SEMA4D: variants seen among roughly 807,000 people sequenced by gnomAD.
The protein encoded by SEMA4D is semaphorin-4D.
In SEMA4D, 22 loss-of-function variants were observed where a neutral mutation model predicts 74.8. That is an observed-to-expected ratio of 0.29 (90% CI 0.21 to 0.42). The LOEUF (loss-of-function observed/expected upper bound fraction) is 0.42. Among genes scored for constraint, SEMA4D ranks in the 10% least tolerant of loss-of-function variants. The pLI is 1.00. For missense variants in SEMA4D, 937 were observed against 1,118.4 expected, an observed-to-expected ratio of 0.84 and a Z score of 2.31; for synonymous variants, 445 against 463.7, an observed-to-expected ratio of 0.96 and a Z score of 0.52.
At chr9:89,412,157 G>T (rs1844674342) in intron 2 of SEMA4D, among the ~76,000 whole-genome samples, 1 of 152,220 alleles carries the variant, frequency 6.6e-6, no homozygotes, top group Non-Finnish European at 1.5e-5. Context: ...TGACTTAGTT[G>T]AGGTAGAACA....
chr9:89,484,117 G>A lies in SEMA4D; in HGVS notation c.-310+13802C>T, dbSNP rs1166265895. Among the ~76,000 whole-genome samples, 1 of 152,248 alleles carries A rather than the reference G, an allele frequency of 6.6e-6. No individual in the cohort carries two copies. The highest frequency in any genetic ancestry group is 1.9e-4 in the East Asian group (1 of 5,202). On this transcript the variant is annotated intron_variant, in intron 1 of 15. Coordinates refer to ENST00000422704, the MANE Select transcript of SEMA4D (RefSeq NM_001371194.2). This position sits in a 1 kb window ranked among gnomAD's most constrained non-coding sequence, Gnocchi z 4.1. ...CAGAAGGGCTTCCGGGCTCCCCCAGGAACTGGAGCCTTAAAGAGGACGCCG... is the reference window on the plus strand; with the variant it reads ...CAGAAGGGCTTCCGGGCTCCCCCAGAAACTGGAGCCTTAAAGAGGACGCCG...
intron 2 of SEMA4D, chr9:89,450,678 A>G: frequency 1.2e-6 from 1 of 815,702 alleles, no homozygotes; most frequent in Non-Finnish European, 1.9e-6. Context: ...AAAAAAAAAA[A>G]AAAAAAAAAG....
chr9:89,451,502 G>A (rs995120263), intron 2 of SEMA4D, among the ~76,000 whole-genome samples: 1 of 152,144 alleles, frequency 6.6e-6, no homozygotes, highest in Non-Finnish European at 1.5e-5. Context: ...AGCTCAACTG[G>A]ATTTGTTCCC....
At chr9:89,450,150 G>A in intron 2 of SEMA4D, 1 of 1,280,282 alleles carries the variant, frequency 7.8e-7, no homozygotes, top group Non-Finnish European at 1.1e-6. Context: ...CATCGATGGA[G>A]AAAAAACCAT....
rs556782001 is a variant in SEMA4D, at chr9:89,419,925, CA to C, written c.-243-14227del. Among the ~76,000 whole-genome samples the C allele has an allele frequency of 4.6e-5, 7 of 152,008 alleles. No individual in the cohort carries two copies. The South Asian group carries it at 1.5e-3, about 32-fold the overall frequency. ...GAAAAAGACTCCGTCTCAAAAAAAACAAAAAAACACCTGAAAAACTTCTATT... is the reference window on the plus strand; with the variant it reads ...GAAAAAGACTCCGTCTCAAAAAAAACAAAAAACACCTGAAAAACTTCTATT... On this transcript the variant is annotated intron_variant, in intron 2 of 15. Transcript: ENST00000422704.
chr9:89,383,366 G>A (rs998492519), intron 13 of SEMA4D, among the ~76,000 whole-genome samples: 6 of 152,180 alleles, frequency 3.9e-5, no homozygotes, highest in Admixed American at 2.0e-4. Context: ...TCACGCTGGT[G>A]CGAGTCATAC....
chr9:89,463,661 C>G (rs998335378), intron 1 of SEMA4D, among the ~76,000 whole-genome samples: 2 of 152,214 alleles, frequency 1.3e-5, no homozygotes, highest in Non-Finnish European at 2.9e-5. Context: ...GTGGGCCGGG[C>G]ATGGTGGCTC....
chr9:89,387,684 C>T (rs148751270), intron 11 of SEMA4D, 76 bp from the exon 12 acceptor site: 6 of 1,303,764 alleles, frequency 4.6e-6, no homozygotes, highest in East Asian at 4.7e-5. Context: ...AAGCAGCCAA[C>T]GCAGGGGGGG....
chr9:89,390,782 G>GC (rs1407294318), intron 9 of SEMA4D, among the ~76,000 whole-genome samples: 1 of 152,160 alleles, frequency 6.6e-6, no homozygotes, highest in African/African-American at 2.4e-5. Flanking sequence ...AAGCCCATAG[G>GC]CCATTCTCTT....
intron 1 of SEMA4D, among the ~76,000 whole-genome samples, chr9:89,489,538 G>A (rs957817109): frequency 5.9e-5 from 9 of 152,098 alleles, no homozygotes; most frequent in African/African-American, 1.7e-4. Flanking sequence ...AACCACTAAC[G>A]TGTTTTCTGT....
At chr9:89,428,013 G>A (rs1384929389) in intron 2 of SEMA4D, among the ~76,000 whole-genome samples, 2 of 152,312 alleles carry the variant, frequency 1.3e-5, no homozygotes, top group East Asian at 1.9e-4. Context: ...TGGAGGGCCC[G>A]CCTGGCCCTG....
At chr9:89,424,977 T>C (rs975362873) in intron 2 of SEMA4D, among the ~76,000 whole-genome samples, 1 of 152,168 alleles carries the variant, frequency 6.6e-6, no homozygotes, top group African/African-American at 2.4e-5. Context: ...CCCAATCTAG[T>C]GTCCCCAAAG....
At chr9:89,458,448 A>G (rs1023833191) in intron 1 of SEMA4D, among the ~76,000 whole-genome samples, 3 of 152,126 alleles carry the variant, frequency 2.0e-5, no homozygotes, top group Admixed American at 1.3e-4. Context: ...CTGGTCACAC[A>G]GTTCCCTTCC....
At chr9:89,391,103 C>T (rs79524653) in intron 9 of SEMA4D, among the ~76,000 whole-genome samples, 161 bp downstream of exon 9, 1,990 of 152,360 alleles carry the variant, frequency 0.013, 42 homozygotes, top group African/African-American at 0.044. Context: ...TCAGTCCCCA[C>T]AACCCCCAGA....
chr9:89,365,306 C>T lies in SEMA4D; in HGVS notation c.1883-1356G>A, dbSNP rs1286067772. 4 of 152,358 alleles carry T rather than the reference C, an allele frequency of 2.6e-5. No homozygotes were observed. The East Asian group carries it at 7.7e-4, about 29-fold the overall frequency. The allele number at this position is 152,358 out of a possible 1,614,324, so 9.4% of individuals were successfully genotyped here. On this transcript the variant is annotated intron_variant, in intron 16 of 18. Transcript: ENST00000339861. The stretch of plus-strand genomic sequence containing the variant: ...TTGTGGTGGGGCTGGGGAGGCCGGC[C>T]AGCCTACTCTGCTGCTTCTGTCTCC...
chr9:89,361,951 C>A, exon 19 of SEMA4D: 1 of 190,418 alleles, frequency 5.3e-6, no homozygotes, highest in Non-Finnish European at 1.1e-5. Flanking sequence ...AAGCAGCGAT[C>A]TGTGCTGGCC....
At chr9:89,364,776 G>T (rs1431180053) in intron 16 of SEMA4D, 2 of 152,406 alleles carry the variant, frequency 1.3e-5, no homozygotes, top group Non-Finnish European at 2.9e-5. Context: ...GAGAGATCAG[G>T]AGGGTGGGCG....
Position 89,425,623 on chromosome 9 carries a change from C to T in SEMA4D, c.-243-19924G>A, listed in dbSNP as rs1480435259. On this transcript the variant is annotated intron_variant, in intron 2 of 15. Coordinates refer to ENST00000422704, the MANE Select transcript of SEMA4D (RefSeq NM_001371194.2). ...CCTGGGCAAGGACAGCCTACAAGCC[C>T]GCTGCTTTGACATCAGGGGCAGGAG... Among the ~76,000 whole-genome samples the T allele has an allele frequency of 2.6e-5, 4 of 152,332 alleles. No individual in the cohort carries two copies. In the South Asian group the frequency reaches 8.3e-4, roughly 32 times the overall value.
At chr9:89,441,699 T>G (rs1282045246) in intron 2 of SEMA4D, among the ~76,000 whole-genome samples, 1 of 152,172 alleles carries the variant, frequency 6.6e-6, no homozygotes, top group African/African-American at 2.4e-5. Context: ...TGTCCCTGGG[T>G]GTCCTCAGTA....
Sources: gnomAD v4.1 joint callset for allele counts (sites outside exome capture counted in the v4.1 genomes callset) on GRCh38, gnomAD v4.1.1 for gene constraint, Gnocchi (gnomAD v3.1) non-coding constraint, MANE v1.5 for transcripts, NCBI Gene and HGNC (gene_info 2026-07-23, HGNC 2026-07-21) for gene names.